EPS8: variants seen among roughly 807,000 people sequenced by gnomAD.
EPS8 encodes the protein epidermal growth factor receptor kinase substrate 8.
Under a neutral mutation model 103.8 loss-of-function variants are expected in EPS8, and 42 were observed. The ratio of observed to expected loss-of-function variants is 0.40; its 90% CI spans 0.32 to 0.52. The LOEUF is 0.52. Ranked by LOEUF, EPS8 falls within the 20% of genes least tolerant of loss-of-function variation. The pLI, the probability that EPS8 is intolerant of heterozygous loss-of-function variation, is 0.40. For synonymous variants in EPS8, 344 were observed against 344.6 expected, an observed-to-expected ratio of 1.00 and a Z score of 0.02; for missense variants, 969 against 1,005.1, an observed-to-expected ratio of 0.96 and a Z score of 0.49.
Position 15,777,829 on chromosome 12 carries a change from A to T in EPS8, c.-22+11332T>A, listed in dbSNP as rs1292935473. Among the ~76,000 whole-genome samples, 3 of 152,222 alleles carry T rather than the reference A, an allele frequency of 2.0e-5. No homozygotes were observed. The highest frequency in any genetic ancestry group is 4.4e-5 in the Non-Finnish European group (3 of 68,030). ...GCCCACATGGTTATTTATCTGCTTC[A>T]AGAGTTGTAAAAGACTATTTTCTTG... On this transcript the variant is annotated intron_variant, in intron 1 of 20. Coordinates refer to ENST00000281172, the MANE Select transcript of EPS8 (RefSeq NM_004447.6). The surrounding 1 kb of genome is among the most constrained non-coding windows in gnomAD (Gnocchi z 4.7).
rs765887008 is a variant in EPS8, at chr12:15,689,000, C to G, written c.-21-6028G>C. Among the ~76,000 whole-genome samples the G allele has an allele frequency of 3.3e-5, 5 of 152,168 alleles. No homozygotes were observed. The highest frequency in any genetic ancestry group is 5.9e-5 in the Non-Finnish European group (4 of 68,046). On this transcript the variant is annotated intron_variant, in intron 1 of 20. Transcript: ENST00000281172. This position sits in a 1 kb window ranked among gnomAD's most constrained non-coding sequence, Gnocchi z 5.1. ...CATGCTCCCCTAGAGGTCTGAGCAG[C>G]GGGGCACTGAAGAAACAAGCCACAC...
At chr12:15,768,830 A>C (rs1947124737) in intron 1 of EPS8, among the ~76,000 whole-genome samples, 1 of 152,202 alleles carries the variant, frequency 6.6e-6, no homozygotes, top group Non-Finnish European at 1.5e-5. Context: ...AAAAGACAAA[A>C]GCAGAGGTCT....
rs1947004691 is a variant in EPS8 at position 15,757,978 on chromosome 12, C to T, written c.-22+31183G>A. ...AAACTCAAAAGCCAGCGGTTGGAAT[C>T]ATCTGAAGGCCTATTCACTGTCAGC... On this transcript the variant is annotated intron_variant, in intron 1 of 20. Coordinates refer to ENST00000281172, the MANE Select transcript of EPS8 (RefSeq NM_004447.6). The surrounding 1 kb of genome is among the most constrained non-coding windows in gnomAD (Gnocchi z 4.1). 6.6e-6 allele frequency among the ~76,000 whole-genome samples: 1 copy of T among 152,200 alleles called. No individual in the cohort carries two copies. Among genetic ancestry groups the T allele is most frequent in the Non-Finnish European group, 1.5e-5 (1 of 68,038 alleles).
intron 1 of EPS8, chr12:15,683,401 C>T (rs563636232): frequency 6.5e-6 from 1 of 152,908 alleles, no homozygotes; most frequent in South Asian, 2.1e-4. Flanking sequence ...AAAAGTATCA[C>T]CCAGAGCCCT....
intron 1 of EPS8, among the ~76,000 whole-genome samples, chr12:15,737,079 G>C (rs1946773738): frequency 6.6e-6 from 1 of 152,078 alleles, no homozygotes; most frequent in African/African-American, 2.4e-5. Flanking sequence ...ACAACTATTA[G>C]GGGCTCAGGC....
At chr12:15,667,691 A>G (rs1945739972) in intron 6 of EPS8, among the ~76,000 whole-genome samples, 1 of 152,182 alleles carries the variant, frequency 6.6e-6, no homozygotes, top group African/African-American at 2.4e-5. Context: ...TTAAAAATCA[A>G]AAGCAATATT....
At chr12:15,636,679 ATGACTGTCCCTT>A (rs1270626901) in intron 17 of EPS8, among the ~76,000 whole-genome samples, 2 of 152,246 alleles carry the variant, frequency 1.3e-5, no homozygotes, top group Admixed American at 1.3e-4. Flanking sequence ...AATAAGAGTC[ATGACTGTCCCTT>A]TTTTTAAGTA....
chr12:15,637,705 T>A lies in EPS8; in HGVS notation c.1821+2998A>T, dbSNP rs1489919933. On this transcript the variant is annotated intron_variant, in intron 17 of 20. Coordinates refer to ENST00000281172, the MANE Select transcript of EPS8 (RefSeq NM_004447.6). ...TAAAATATTTTTGTTAAAGTTTCTT[T>A]ATATTTCTTCAAAGTTTTGATATCA... Among the ~76,000 whole-genome samples, 4 of 152,330 alleles carry A rather than the reference T, an allele frequency of 2.6e-5. No individual in the cohort carries two copies. In the East Asian group the frequency reaches 5.8e-4, roughly 22 times the overall value.
chr12:15,759,372 A>T lies in EPS8; in HGVS notation c.-22+29789T>A, dbSNP rs774242308. Among the ~76,000 whole-genome samples, 8 of 152,130 alleles carry T rather than the reference A, an allele frequency of 5.3e-5. No individual in the cohort carries two copies. Among genetic ancestry groups the T allele is most frequent in the Admixed American group, 2.0e-4 (3 of 15,280 alleles). ...ATTTTGATCTGATTCAACACAACTAATTTTATGCAATAAAAAAATTATAAT... is the reference window on the plus strand; with the variant it reads ...ATTTTGATCTGATTCAACACAACTATTTTTATGCAATAAAAAAATTATAAT... On this transcript the variant is annotated intron_variant, in intron 1 of 20. Coordinates refer to ENST00000281172, the MANE Select transcript of EPS8 (RefSeq NM_004447.6). The surrounding 1 kb of genome is among the most constrained non-coding windows in gnomAD (Gnocchi z 4.9).
In EPS8 at chr12:15,760,934, C is replaced by G. The variant is rs951627126; in HGVS notation, c.-22+28227G>C. On this transcript the variant is annotated intron_variant, in intron 1 of 20. Transcript: ENST00000281172. This position sits in a 1 kb window ranked among gnomAD's most constrained non-coding sequence, Gnocchi z 4.5. The stretch of plus-strand genomic sequence containing the variant: ...TTCACCATTATTATTCAATGCAGTA[C>G]TCCTAGCTAGAGCAATCAGACAAGA... 1.3e-5 allele frequency among the ~76,000 whole-genome samples: 2 copies of G among 151,502 alleles called. No homozygotes were observed. Among genetic ancestry groups the G allele is most frequent in the Admixed American group, 6.6e-5 (1 of 15,198 alleles).
At chr12:15,788,397 G>A (rs1276474273) in intron 1 of EPS8, among the ~76,000 whole-genome samples, 1 of 152,164 alleles carries the variant, frequency 6.6e-6, no homozygotes, top group Non-Finnish European at 1.5e-5. Flanking sequence ...AGTACTACGG[G>A]CCCTATGGGA....
chr12:15,693,228 G>A lies in EPS8; in HGVS notation c.-21-10256C>T, dbSNP rs986670600. Among the ~76,000 whole-genome samples, 8 of 152,192 alleles carry A rather than the reference G, an allele frequency of 5.3e-5. No individual in the cohort carries two copies. The highest frequency in any genetic ancestry group is 5.2e-4 in the Admixed American group (8 of 15,280). On this transcript the variant is annotated intron_variant, in intron 1 of 20. Coordinates refer to ENST00000281172, the MANE Select transcript of EPS8 (RefSeq NM_004447.6). This position sits in a 1 kb window ranked among gnomAD's most constrained non-coding sequence, Gnocchi z 5.6. ...GAAGTATCTTCCCATTCCATGTTTA[G>A]AGAATGTAAAGCTGACTGCCAAAAC... is the stretch of plus-strand genomic sequence containing the variant.
chr12:15,729,989 C>A (rs527671404), intron 1 of EPS8, among the ~76,000 whole-genome samples: 26 of 152,316 alleles, frequency 1.7e-4, no homozygotes, highest in Non-Finnish European at 3.2e-4. Context: ...TCACAATACA[C>A]TTCTAGGGAT....
In EPS8 at chr12:15,670,899, T is replaced by A. The variant is rs1441115713; in HGVS notation, c.161A>T (p.Asp54Val). The change falls in exon 4 of 21, where the codon GAC becomes GTC. Residue 54 changes from aspartate (D) to valine (V), a missense_variant. Transcript: ENST00000281172. ...TATATCTGACACACTGCTGACACTG[T>A]CCCGTGCATAATTCTTCCTTTGTTC... is the stretch of plus-strand genomic sequence containing the variant. Reference protein sequence around the residue: ...LYEQRKNYARDSVSSVSDISQ... With the variant: ...LYEQRKNYARVSVSSVSDISQ... 6.2e-7 allele frequency: 1 copy of A among 1,612,250 alleles called. No homozygotes were observed. Among genetic ancestry groups the A allele is most frequent in the African/African-American group, 1.3e-5 (1 of 74,886 alleles).
At chr12:15,686,526 T>C (rs1034474435) in intron 1 of EPS8, among the ~76,000 whole-genome samples, 2 of 152,140 alleles carry the variant, frequency 1.3e-5, no homozygotes. Flanking sequence ...TAAAATTCTT[T>C]GGCAATTAGA....
At chr12:15,699,603 T>C (rs941794692) in intron 1 of EPS8, among the ~76,000 whole-genome samples, 1 of 152,180 alleles carries the variant, frequency 6.6e-6, no homozygotes, top group African/African-American at 2.4e-5. Flanking sequence ...AATTAAACAA[T>C]GTTACCAACT....
chr12:15,730,057 G>A (rs1017841500), intron 1 of EPS8, among the ~76,000 whole-genome samples: 36 of 152,134 alleles, frequency 2.4e-4, no homozygotes, highest in African/African-American at 8.5e-4. Flanking sequence ...CACCTGTGTA[G>A]CTTCTGAAGT....
At chr12:15,720,326 T>G (rs1301915313) in intron 1 of EPS8, among the ~76,000 whole-genome samples, 1 of 152,150 alleles carries the variant, frequency 6.6e-6, no homozygotes, top group African/African-American at 2.4e-5. Flanking sequence ...AATTGTAACC[T>G]CTTTTTTTAA....
chr12:15,757,285 A>G lies in EPS8; in HGVS notation c.-22+31876T>C, dbSNP rs1374062708. On this transcript the variant is annotated intron_variant, in intron 1 of 20. Coordinates refer to ENST00000281172, the MANE Select transcript of EPS8 (RefSeq NM_004447.6). This position sits in a 1 kb window ranked among gnomAD's most constrained non-coding sequence, Gnocchi z 4.1. ...GGAAGCTGATTCTATCCAAAATTAA[A>G]CTTTCCTTCAGATTGCATATTAATA... Among the ~76,000 whole-genome samples, 1 of 152,176 alleles carries G rather than the reference A, an allele frequency of 6.6e-6. No homozygotes were observed. The highest frequency in any genetic ancestry group is 1.9e-4 in the East Asian group (1 of 5,194).
Sources: allele counts gnomAD v4.1 joint callset (sites outside exome capture counted in the v4.1 genomes callset), GRCh38; gene constraint gnomAD v4.1.1; non-coding constraint Gnocchi (gnomAD v3.1); transcripts MANE v1.5; gene names NCBI Gene and HGNC (gene_info 2026-07-23, HGNC 2026-07-21).